FAM227B: variants seen among roughly 807,000 people sequenced by gnomAD.
FAM227B encodes the protein protein FAM227B.
A neutral mutation model predicts 73.8 loss-of-function variants in FAM227B; 88 were observed. The ratio of observed to expected loss-of-function variants is 1.19; its 90% confidence interval spans 1.00 to 1.42. FAM227B has a LOEUF of 1.42. Among genes scored for constraint, FAM227B ranks in the 40% most tolerant of loss-of-function variants. The probability of loss-of-function intolerance (pLI) is 0.00; values close to 1 mark genes in which losing one functional copy is unlikely to be tolerated. For synonymous variants in FAM227B, 210 were observed against 190.5 expected (o/e 1.10, Z -0.84); for missense variants, 632 against 590.9 (o/e 1.07, Z -0.72).
At chr15:49,388,342 A>T (rs963977837) in intron 11 of FAM227B, among the ~76,000 whole-genome samples, 1 of 151,794 alleles carries the variant, frequency 6.6e-6, no homozygotes, top group Non-Finnish European at 1.5e-5. Context: ...CTTACAGCCA[A>T]CTGACCTTCA....
At chr15:49,452,064 TAG>T (rs1287510722) in intron 11 of FAM227B, among the ~76,000 whole-genome samples, 3 of 151,936 alleles carry the variant, frequency 2.0e-5, no homozygotes, top group African/African-American at 4.8e-5. Flanking sequence ...TTTTTTGAGA[TAG>T]AGTCTTGCTC....
intron 11 of FAM227B, among the ~76,000 whole-genome samples, chr15:49,456,144 T>C (rs1365466427): frequency 6.6e-6 from 1 of 152,134 alleles, no homozygotes; most frequent in Non-Finnish European, 1.5e-5. Context: ...ACACATTTGA[T>C]TGAGATTTTT....
chr15:49,592,413 AC>A (rs1389955253), intron 3 of FAM227B, among the ~76,000 whole-genome samples: 4 of 152,124 alleles, frequency 2.6e-5, no homozygotes, highest in Non-Finnish European at 5.9e-5. Flanking sequence ...TTTTCTTCTA[AC>A]AATCAGGTCC....
chr15:49,559,788 A>G (rs562857135), intron 9 of FAM227B, among the ~76,000 whole-genome samples: 1 of 152,140 alleles, frequency 6.6e-6, no homozygotes, highest in African/African-American at 2.4e-5. Context: ...TACAAAAATT[A>G]GCAGGGCGTG....
Position 49,568,297 on chromosome 15 carries a change from T to C in FAM227B, c.695A>G (p.Tyr232Cys). 1 of 1,611,640 alleles carries C rather than the reference T, an allele frequency of 6.2e-7. No individual in the cohort carries two copies. The highest frequency in any genetic ancestry group is 1.1e-5 in the South Asian group (1 of 90,744). ...DCLFDRISES[Y>C]VTLFMSIPLS... ...AGGTATGCTCATGAAAAGTGTCACA[T>C]AACTTTCTGAAATTCTATCGAATAA... Residue 232 changes from tyrosine to cysteine, a missense_variant, in exon 9 of 16, where the codon TAT becomes TGT. By Grantham distance (194) the Tyr-to-Cys change is radical. Transcript: ENST00000299338.
intron 11 of FAM227B, among the ~76,000 whole-genome samples, chr15:49,499,543 C>T (rs1385415441): frequency 6.6e-6 from 1 of 152,106 alleles, no homozygotes; most frequent in Non-Finnish European, 1.5e-5. Context: ...AACTGACTAG[C>T]AGTTTTTCAA....
chr15:49,448,805 C>T (rs2052459459), intron 11 of FAM227B, among the ~76,000 whole-genome samples: 1 of 151,794 alleles, frequency 6.6e-6, no homozygotes, highest in Non-Finnish European at 1.5e-5. Context: ...AGACAGATAA[C>T]TGGCAAAACT....
chr15:49,447,308 CTT>C (rs900303724), intron 11 of FAM227B, among the ~76,000 whole-genome samples: 18 of 151,694 alleles, frequency 1.2e-4, no homozygotes, highest in Admixed American at 4.0e-4. Context: ...AAAATACTCT[CTT>C]ATCACTTTGA....
intron 4 of FAM227B, among the ~76,000 whole-genome samples, chr15:49,588,471 A>C (rs1022276212): frequency 6.8e-6 from 1 of 147,068 alleles, no homozygotes; most frequent in East Asian, 2.0e-4. Context: ...GGGCACAGTG[A>C]GACAATATGG....
chr15:49,440,712 G>C (rs1455752611), intron 11 of FAM227B, among the ~76,000 whole-genome samples: 1 of 151,644 alleles, frequency 6.6e-6, no homozygotes, highest in Non-Finnish European at 1.5e-5. Context: ...AGGAAAATGA[G>C]GCTCAGTTTG....
At chr15:49,388,379 G>T (rs1277810096) in intron 11 of FAM227B, among the ~76,000 whole-genome samples, 1 of 151,582 alleles carries the variant, frequency 6.6e-6, no homozygotes, top group African/African-American at 2.4e-5. Context: ...TATAAGTTAG[G>T]GAATTGATAT....
In FAM227B at chr15:49,331,809, G is replaced by A. The variant is rs779324495; in HGVS notation, c.1390C>T (p.Gln464Ter). The change falls in exon 15 of 16, where the codon CAG becomes TAG. Residue 464 changes from glutamine (Q) to a stop codon, truncating the protein, a stop_gained. Coordinates refer to ENST00000299338, the MANE Select transcript of FAM227B (RefSeq NM_152647.3). LOFTEE classifies it low-confidence loss of function (END_TRUNC). ...TTATGTAGGAACTTCTCAAAGTCCT[G>A]TTTCACTTCATGAGGTTTCTTGGTA... ...KATKKPHEVK[Q>*]DFEKFLHKLR... 2.5e-6 allele frequency: 4 copies of A among 1,611,132 alleles called. No homozygotes were observed. The South Asian group carries it at 4.4e-5, about 18-fold the overall frequency.
intron 11 of FAM227B, among the ~76,000 whole-genome samples, chr15:49,401,731 C>G (rs1230584518): frequency 7.5e-6 from 1 of 134,038 alleles, no homozygotes; most frequent in Admixed American, 7.8e-5. Context: ...AATCATCATT[C>G]TCAGTAAACT....
intron 5 of FAM227B, among the ~76,000 whole-genome samples, chr15:49,581,492 A>G (rs566556486): frequency 6.6e-6 from 1 of 152,056 alleles, no homozygotes; most frequent in African/African-American, 2.4e-5. Context: ...CTAATTTTGT[A>G]TTTTTAGTAG....
rs747182684 is a variant in FAM227B, at chr15:49,371,423, T to C, written c.1013-24A>G. On this transcript the variant is annotated intron_variant, in intron 11 of 15. Transcript: ENST00000299338. ...ACCTAAAACAGAAAATAAAATACTTTTTAAAATTCTGGTATTTTTTTCCTT... is the reference window on the plus strand; with the variant it reads ...ACCTAAAACAGAAAATAAAATACTTCTTAAAATTCTGGTATTTTTTTCCTT... The C allele has an allele frequency of 2.3e-5, 32 of 1,394,332 alleles. 1 individual carries two copies. In the South Asian group the frequency reaches 3.5e-4, roughly 15 times the overall value. 86.4% of individuals were successfully genotyped at this position (1,394,332 alleles called of 1,614,324 possible). A position where few individuals can be genotyped will look rare whatever the true frequency, so the allele number is the denominator to read the frequency against.
intron 11 of FAM227B, among the ~76,000 whole-genome samples, chr15:49,435,735 A>T (rs1011066131): frequency 6.6e-6 from 1 of 151,530 alleles, no homozygotes; most frequent in South Asian, 2.1e-4. Context: ...CTATGTTGTA[A>T]TTTAAAATTT....
intron 10 of FAM227B, among the ~76,000 whole-genome samples, chr15:49,534,638 C>T (rs554073239): frequency 3.9e-5 from 6 of 151,924 alleles, no homozygotes; most frequent in Middle Eastern, 6.8e-3. Flanking sequence ...CATCCAACAG[C>T]AGTAGATCAC....
intron 8 of FAM227B, 33 bp downstream of exon 8, chr15:49,574,978 A>G (rs1440960781): frequency 3.0e-6 from 4 of 1,333,004 alleles, no homozygotes; most frequent in Non-Finnish European, 4.2e-6. Flanking sequence ...CCAAAAATCA[A>G]CTTAAAAAAT....
intron 11 of FAM227B, among the ~76,000 whole-genome samples, chr15:49,501,083 C>T (rs543936236): frequency 2.4e-4 from 37 of 152,252 alleles, no homozygotes; most frequent in African/African-American, 7.9e-4. Context: ...TACCTGGTCA[C>T]GGGTATTCTT....
Sources: gnomAD v4.1 joint callset for allele counts (sites outside exome capture counted in the v4.1 genomes callset) on GRCh38, gnomAD v4.1.1 for gene constraint, MANE v1.5 for transcripts, NCBI Gene and HGNC (gene_info 2026-07-23, HGNC 2026-07-21) for gene names.